PIK3AP1: variants seen among roughly 807,000 people sequenced by gnomAD.
PIK3AP1 encodes the protein phosphoinositide-3-kinase adaptor protein 1.
In PIK3AP1, 21 loss-of-function variants were observed where a neutral mutation model predicts 88.1. That is an observed-to-expected ratio of 0.24 (90% CI 0.17 to 0.34). The LOEUF is 0.34. Ranked by LOEUF, PIK3AP1 falls within the 10% of genes least tolerant of loss-of-function variation. PIK3AP1 has a pLI of 1.00. For missense variants in PIK3AP1, 828 were observed against 1,035.7 expected (o/e 0.80, Z 2.75); for synonymous variants, 398 against 400.0 (o/e 1.00, Z 0.06).
rs911415875 is a variant in PIK3AP1 at position 96,650,046 on chromosome 10, A to G, written c.989-1191T>C. 2.0e-5 allele frequency among the ~76,000 whole-genome samples: 3 copies of G among 152,352 alleles called. No homozygotes were observed. In the East Asian group the frequency reaches 5.8e-4, roughly 29 times the overall value. ...ACAAACCCAGCCTTCTATTCCAAAT[A>G]TGACCTTGGAATGAAGGGTCTGAAA... On this transcript the variant is annotated intron_variant, in intron 6 of 16. Transcript: ENST00000339364.
intron 2 of PIK3AP1, among the ~76,000 whole-genome samples, chr10:96,695,726 C>T (rs563701760): frequency 1.3e-5 from 2 of 151,736 alleles, no homozygotes; most frequent in Admixed American, 1.3e-4. Flanking sequence ...CTATAGATTG[C>T]CTCACTTTTA....
intron 2 of PIK3AP1, among the ~76,000 whole-genome samples, chr10:96,708,574 C>CA (rs924470384): frequency 0.13 from 1,584 of 12,618 alleles, 177 homozygotes; most frequent in Middle Eastern, 0.19. Context: ...GGATCTGTCT[C>CA]AAAAAAAAAA....
At chr10:96,625,143 T>C (rs575673155) in intron 10 of PIK3AP1, among the ~76,000 whole-genome samples, 33 of 152,058 alleles carry the variant, frequency 2.2e-4, no homozygotes, top group Non-Finnish European at 4.3e-4. Context: ...CAACTAAGAA[T>C]TCTCCCACCG....
chr10:96,601,080 A>AT (rs997545275), intron 16 of PIK3AP1, among the ~76,000 whole-genome samples: 5 of 6,438 alleles, frequency 7.8e-4, no homozygotes, highest in Admixed American at 3.9e-3. Flanking sequence ...TCTCCTGTAT[A>AT]AAAAAAAAGA....
At chr10:96,638,563 C>T (rs1044458866) in intron 8 of PIK3AP1, among the ~76,000 whole-genome samples, 6 of 152,006 alleles carry the variant, frequency 3.9e-5, no homozygotes, top group South Asian at 2.1e-4. Flanking sequence ...GAAGGGGCTG[C>T]GGATAAATAG....
chr10:96,637,309 T>A (rs952777900), intron 8 of PIK3AP1, among the ~76,000 whole-genome samples: 4 of 114,642 alleles, frequency 3.5e-5, no homozygotes, highest in African/African-American at 1.4e-4. Context: ...GGGAGAGATA[T>A]ACAATCACAC....
intron 12 of PIK3AP1, chr10:96,618,632 T>C (rs1299235582): frequency 1.3e-5 from 2 of 152,450 alleles, no homozygotes; most frequent in Non-Finnish European, 2.9e-5. Flanking sequence ...CTAACATTTA[T>C]TATGTATTTA....
intron 2 of PIK3AP1, among the ~76,000 whole-genome samples, chr10:96,698,025 G>A (rs1844244820): frequency 6.6e-6 from 1 of 152,214 alleles, no homozygotes; most frequent in South Asian, 2.1e-4. Flanking sequence ...TTCTCTCTGA[G>A]GTCTGGATGG....
Position 96,687,280 on chromosome 10 carries a change from AAAAAAG to A in PIK3AP1, c.430+22281_430+22286del, listed in dbSNP as rs1177116479. Reference sequence around the variant, plus strand: ...CAAAAAAAAAAAAAAAAAAAAAAAAAAAAAAGAAAAAAGATCTCCTCCTTTCAAGGA... The same window carrying A: ...CAAAAAAAAAAAAAAAAAAAAAAAAAAAAAAAGATCTCCTCCTTTCAAGGA... On this transcript the variant is annotated intron_variant, in intron 2 of 16. Transcript: ENST00000339364. 2.2e-3 allele frequency among the ~76,000 whole-genome samples: 265 copies of A among 121,480 alleles called. 13 individuals are homozygous for A. The highest frequency in any genetic ancestry group is 9.8e-3 in the African/African-American group (258 of 26,268). 79.7% of individuals were successfully genotyped at this position (121,480 alleles called of 152,430 possible). A position where few individuals can be genotyped will look rare whatever the true frequency, so the allele number is the denominator to read the frequency against.
At chr10:96,673,462 A>C (rs1589530131) in intron 2 of PIK3AP1, among the ~76,000 whole-genome samples, 1 of 151,284 alleles carries the variant, frequency 6.6e-6, no homozygotes, top group East Asian at 1.9e-4. Flanking sequence ...CGTTCAGGAA[A>C]CCCCAGTGTT....
chr10:96,605,721 T>G (rs1458720862), intron 14 of PIK3AP1, among the ~76,000 whole-genome samples: 3 of 152,236 alleles, frequency 2.0e-5, no homozygotes, highest in Admixed American at 6.5e-5. Context: ...AATTCTTTTT[T>G]GGGGACAGAT....
intron 9 of PIK3AP1, among the ~76,000 whole-genome samples, chr10:96,627,406 G>C (rs1204691618): frequency 6.6e-6 from 1 of 152,150 alleles, no homozygotes; most frequent in East Asian, 1.9e-4. Flanking sequence ...AAGTTTTGCA[G>C]GCCATAAAGT....
intron 2 of PIK3AP1, among the ~76,000 whole-genome samples, chr10:96,699,880 C>T (rs1341740113): frequency 3.3e-5 from 5 of 152,100 alleles, no homozygotes; most frequent in African/African-American, 1.2e-4. Flanking sequence ...GAAATAATGT[C>T]GATAAAAGGG....
chr10:96,599,119 G>A (rs758637560), intron 16 of PIK3AP1, among the ~76,000 whole-genome samples: 7 of 152,134 alleles, frequency 4.6e-5, no homozygotes, highest in South Asian at 2.1e-4. Context: ...AAAGGAGGGC[G>A]GATCTGACAG....
intron 1 of PIK3AP1, among the ~76,000 whole-genome samples, chr10:96,718,257 A>C (rs777495669): frequency 2.0e-5 from 3 of 152,242 alleles, no homozygotes; most frequent in Non-Finnish European, 4.4e-5. Flanking sequence ...AGATACTAAA[A>C]ACCACTGAAT....
intron 12 of PIK3AP1, among the ~76,000 whole-genome samples, chr10:96,617,200 T>C (rs1441214858): frequency 6.6e-6 from 1 of 152,214 alleles, no homozygotes; most frequent in African/African-American, 2.4e-5. Flanking sequence ...CCTTGCCTCT[T>C]TGAGATACTG....
chr10:96,681,316 G>C (rs911025603), intron 2 of PIK3AP1, among the ~76,000 whole-genome samples: 2 of 152,128 alleles, frequency 1.3e-5, no homozygotes, highest in African/African-American at 2.4e-5. Context: ...GGGTTCTGAG[G>C]TACGAAAGGT....
chr10:96,597,299 C>CTTCG (rs1848780236), intron 16 of PIK3AP1, among the ~76,000 whole-genome samples: 1 of 129,984 alleles, frequency 7.7e-6, no homozygotes, highest in Non-Finnish European at 1.6e-5. Context: ...TCCTTCCTTC[C>CTTCG]TTCCTTCCTT....
chr10:96,651,461 C>A, intron 5 of PIK3AP1, 48 bp downstream of exon 5: 2 of 1,613,976 alleles, frequency 1.2e-6, no homozygotes, highest in Non-Finnish European at 1.7e-6. Flanking sequence ...AAGCCATGAG[C>A]AGAAATTACA....
Sources: gnomAD v4.1 joint callset for allele counts (sites outside exome capture counted in the v4.1 genomes callset) on GRCh38, gnomAD v4.1.1 for gene constraint, MANE v1.5 for transcripts, NCBI Gene and HGNC (gene_info 2026-07-23, HGNC 2026-07-21) for gene names.